Variants in MBD5 observed in about 807,000 individuals in gnomAD.
The protein encoded by MBD5 is methyl-CpG-binding domain protein 5.
In MBD5, 13 loss-of-function variants were observed where a neutral mutation model predicts 117.3. That is an observed-to-expected ratio of 0.11 (90% confidence interval 0.07 to 0.18). The LOEUF (loss-of-function observed/expected upper bound fraction) is 0.18, where lower values mean the gene tolerates loss of function less well. Among genes scored for constraint, MBD5 ranks in the 10% least tolerant of loss-of-function variants. MBD5 has a pLI of 1.00. For missense variants in MBD5, 1,879 were observed against 2,093.8 expected, an observed-to-expected ratio of 0.90 and a Z score of 2.00; for synonymous variants, 727 against 766.4, an observed-to-expected ratio of 0.95 and a Z score of 0.85.
intron 1 of MBD5, among the ~76,000 whole-genome samples, chr2:148,115,046 A>G (rs1466785696): frequency 2.0e-5 from 3 of 152,030 alleles, no homozygotes; most frequent in Non-Finnish European, 4.4e-5. Context: ...TGTATATTTA[A>G]TTTTTTAAAT....
intron 1 of MBD5, among the ~76,000 whole-genome samples, chr2:148,101,129 T>C (rs1696205492): frequency 6.6e-6 from 1 of 152,132 alleles, no homozygotes; most frequent in South Asian, 2.1e-4. Context: ...CCATTCTCTC[T>C]TAATATTTGC....
chr2:148,095,875 T>A (rs562742439), intron 1 of MBD5, among the ~76,000 whole-genome samples: 14 of 152,040 alleles, frequency 9.2e-5, no homozygotes, highest in Admixed American at 8.5e-4. Context: ...CCATCTTATG[T>A]GGGGAGAAGG....
chr2:148,121,007 A>G (rs1696756267), intron 1 of MBD5, among the ~76,000 whole-genome samples: 1 of 152,222 alleles, frequency 6.6e-6, no homozygotes, highest in South Asian at 2.1e-4. Flanking sequence ...CATTTTTACA[A>G]TAGATTCGTC....
intron 1 of MBD5, among the ~76,000 whole-genome samples, chr2:148,134,844 T>C (rs1697136880): frequency 6.6e-6 from 1 of 152,236 alleles, no homozygotes; most frequent in East Asian, 1.9e-4. Flanking sequence ...TGCACTCTTT[T>C]CTATTTATCT....
intron 1 of MBD5, chr2:148,044,694 T>C (rs1044399031): frequency 2.0e-5 from 3 of 152,304 alleles, no homozygotes; most frequent in Middle Eastern, 3.4e-3. Context: ...TTAATGTTTA[T>C]CTGTGTCTTT....
intron 4 of MBD5, among the ~76,000 whole-genome samples, chr2:148,446,184 GT>G (rs1706507784): frequency 6.6e-6 from 1 of 151,726 alleles, no homozygotes; most frequent in African/African-American, 2.4e-5. Flanking sequence ...TGCTTTCGGT[GT>G]TTTAGACATG....
intron 2 of MBD5, among the ~76,000 whole-genome samples, chr2:148,204,336 G>T (rs1000635812): frequency 6.6e-6 from 1 of 152,144 alleles, no homozygotes; most frequent in African/African-American, 2.4e-5. Flanking sequence ...AGAAAAAAAA[G>T]ATTAGAAATA....
intron 3 of MBD5, among the ~76,000 whole-genome samples, chr2:148,324,930 C>T (rs1702401816): frequency 6.6e-6 from 1 of 152,132 alleles, no homozygotes; most frequent in East Asian, 1.9e-4. Context: ...AAAGGGAATG[C>T]TTCCAGTTTT....
intron 4 of MBD5, among the ~76,000 whole-genome samples, chr2:148,376,998 G>C (rs1171020452): frequency 1.3e-5 from 2 of 148,604 alleles, no homozygotes; most frequent in African/African-American, 5.0e-5. Flanking sequence ...TTTAGAGAGA[G>C]AGGATATATA....
chr2:148,254,785 G>A (rs1330655802), intron 3 of MBD5, among the ~76,000 whole-genome samples: 4 of 152,216 alleles, frequency 2.6e-5, no homozygotes, highest in African/African-American at 9.6e-5. Flanking sequence ...ATCCCACACA[G>A]TGGTGTTACC....
chr2:148,208,016 C>CT (rs973623303), intron 2 of MBD5, among the ~76,000 whole-genome samples: 1 of 152,156 alleles, frequency 6.6e-6, no homozygotes, highest in African/African-American at 2.4e-5. Flanking sequence ...ATCAGTATCA[C>CT]TGGACCCAAA....
chr2:148,420,185 A>G (rs1163255826), intron 4 of MBD5, among the ~76,000 whole-genome samples: 1 of 152,102 alleles, frequency 6.6e-6, no homozygotes, highest in Non-Finnish European at 1.5e-5. Flanking sequence ...TCTCCCCAGC[A>G]TTTTGTCTCT....
intron 1 of MBD5, among the ~76,000 whole-genome samples, chr2:148,136,794 C>G (rs74903779): frequency 1.3e-5 from 2 of 151,530 alleles, no homozygotes; most frequent in African/African-American, 4.9e-5. Flanking sequence ...CAGAGTTTCA[C>G]TCTTGTTGCC....
At chr2:148,455,231 A>G (rs1203588512) in intron 4 of MBD5, among the ~76,000 whole-genome samples, 5 of 152,144 alleles carry the variant, frequency 3.3e-5, no homozygotes, top group African/African-American at 7.2e-5. Flanking sequence ...GACCCTTACA[A>G]TTGTGCTGCC....
chr2:148,198,996 T>A (rs926969405), intron 2 of MBD5, among the ~76,000 whole-genome samples: 2 of 151,786 alleles, frequency 1.3e-5, no homozygotes, highest in African/African-American at 2.4e-5. Context: ...TATGAATATA[T>A]CATATATGTA....
intron 4 of MBD5, among the ~76,000 whole-genome samples, chr2:148,443,047 GA>G (rs1706376061): frequency 1.3e-5 from 2 of 151,156 alleles, no homozygotes; most frequent in African/African-American, 4.9e-5. Flanking sequence ...AGCTCTATAG[GA>G]AAAAAATCTA....
chr2:148,229,268 A>G (rs1324536763), intron 2 of MBD5, among the ~76,000 whole-genome samples: 2 of 151,734 alleles, frequency 1.3e-5, no homozygotes, highest in South Asian at 2.1e-4. Flanking sequence ...CACACCTGCT[A>G]TTAATGGACT....
At chr2:148,312,235 G>A (rs139401554) in intron 3 of MBD5, among the ~76,000 whole-genome samples, 88 of 152,312 alleles carry the variant, frequency 5.8e-4, no homozygotes, top group Non-Finnish European at 9.1e-4. Flanking sequence ...ATAATATCCT[G>A]AGGAGTGTTT....
intron 1 of MBD5, among the ~76,000 whole-genome samples, chr2:148,107,341 T>G (rs72868778): frequency 6.6e-6 from 1 of 152,066 alleles, no homozygotes; most frequent in Non-Finnish European, 1.5e-5. Flanking sequence ...TTCACTATGG[T>G]GTGTACAGTG....
Sources: allele counts gnomAD v4.1 joint callset (sites outside exome capture counted in the v4.1 genomes callset), GRCh38; gene constraint gnomAD v4.1.1; transcripts MANE v1.5; gene names NCBI Gene and HGNC (gene_info 2026-07-23, HGNC 2026-07-21).